SPAG9: variants seen among roughly 807,000 people sequenced by gnomAD.
SPAG9 encodes C-Jun-amino-terminal kinase-interacting protein 4.
In SPAG9, 35 loss-of-function variants were observed where a neutral mutation model predicts 166.5. The observed-to-expected ratio is 0.21, with a 90% CI of 0.16 to 0.28. The LOEUF (loss-of-function observed/expected upper bound fraction) is 0.28, where lower values mean the gene tolerates loss of function less well. Among genes scored for constraint, SPAG9 ranks in the 10% least tolerant of loss-of-function variants. The probability of loss-of-function intolerance (pLI) is 1.00; values close to 1 mark genes in which losing one functional copy is unlikely to be tolerated. For missense variants in SPAG9, 1,235 were observed against 1,603.3 expected (o/e 0.77, Z 3.92); for synonymous variants, 534 against 565.5 (o/e 0.94, Z 0.79).
chr17:51,120,705 C>T lies in SPAG9; in HGVS notation c.-49G>A, dbSNP rs1471607968. ...GCCCGGGGCGTCGCCGGCAGAGGGG[C>T]GGCACCTGCCCGCACGGGACGGACC... On this transcript the variant is annotated 5_prime_UTR_variant, in exon 1 of 30. Transcript: ENST00000262013. This position sits in a 1 kb window ranked among gnomAD's most constrained non-coding sequence, Gnocchi z 4.7. 2 of 1,483,424 alleles carry T rather than the reference C, an allele frequency of 1.3e-6. No individual in the cohort carries two copies. Among genetic ancestry groups the T allele is most frequent in the Non-Finnish European group, 1.8e-6 (2 of 1,104,858 alleles). 91.9% of individuals were successfully genotyped at this position (1,483,424 alleles called of 1,614,324 possible).
intron 1 of SPAG9, among the ~76,000 whole-genome samples, chr17:51,086,151 T>C (rs1165111796): frequency 1.3e-5 from 2 of 151,772 alleles, no homozygotes; most frequent in African/African-American, 4.8e-5. Flanking sequence ...AGCTAATTTT[T>C]GTATTTTTGG....
intron 7 of SPAG9, 42 bp downstream of exon 7, chr17:51,021,116 A>G (rs1349739029): frequency 2.5e-5 from 37 of 1,509,426 alleles, no homozygotes; most frequent in Non-Finnish European, 3.4e-5. Flanking sequence ...ATCCAGGTTT[A>G]CTGAATACTT....
At chr17:51,112,671 CAAAAAAAAA>C (rs1206604151) in intron 1 of SPAG9, among the ~76,000 whole-genome samples, 8 of 41,404 alleles carry the variant, frequency 1.9e-4, no homozygotes, top group African/African-American at 3.7e-4. Flanking sequence ...TCTGTCTCAA[CAAAAAAAAA>C]AAAAAAAAAA....
Position 50,966,073 on chromosome 17 carries a change from A to C in SPAG9, c.*199T>G. 1.8e-6 allele frequency: 1 copy of C among 557,174 alleles called. No individual in the cohort carries two copies. Among genetic ancestry groups the C allele is most frequent in the Non-Finnish European group, 3.2e-6 (1 of 308,448 alleles). 34.5% of individuals were successfully genotyped at this position (557,174 alleles called of 1,614,324 possible). On this transcript the variant is annotated 3_prime_UTR_variant, in exon 30 of 30. Transcript: ENST00000262013. ...TTCATAATATACTGAAGTTACCTAT[A>C]ACACTGGTGCAGTAACACAGCTAGT...
At chr17:51,034,572 C>A (rs1456665765) in intron 5 of SPAG9, among the ~76,000 whole-genome samples, 1 of 152,044 alleles carries the variant, frequency 6.6e-6, no homozygotes, top group African/African-American at 2.4e-5. Flanking sequence ...TTCGCATAGC[C>A]CACAGAATAA....
chr17:51,070,152 T>A (rs76610742), intron 2 of SPAG9, among the ~76,000 whole-genome samples: 5 of 148,064 alleles, frequency 3.4e-5, no homozygotes, highest in Admixed American at 3.4e-4. Context: ...AAAAAAAAAA[T>A]ATCACTGTCA....
rs945359992 is a variant in SPAG9 at position 50,964,143 on chromosome 17, T to C, written c.*2129A>G. On this transcript the variant is annotated 3_prime_UTR_variant, in exon 30 of 30. Transcript: ENST00000262013. ...ACTTTTTACAGACATCTTTGTATAATAGTCCAGAAAAAAAAAATCAGTGGT... is the reference window on the plus strand; with the variant it reads ...ACTTTTTACAGACATCTTTGTATAACAGTCCAGAAAAAAAAAATCAGTGGT... 1.3e-5 allele frequency: 2 copies of C among 149,962 alleles called. No individual in the cohort carries two copies. The highest frequency in any genetic ancestry group is 2.5e-5 in the African/African-American group (1 of 39,318). 9.3% of individuals were successfully genotyped at this position (149,962 alleles called of 1,614,324 possible). A position where few individuals can be genotyped will look rare whatever the true frequency, so the allele number is the denominator to read the frequency against.
chr17:51,037,985 C>T (rs2046686331), intron 5 of SPAG9, among the ~76,000 whole-genome samples: 1 of 152,064 alleles, frequency 6.6e-6, no homozygotes, highest in South Asian at 2.1e-4. Context: ...TGAAGCAATA[C>T]AAAACTCCTC....
chr17:51,024,554 C>T (rs1235572195), intron 6 of SPAG9, among the ~76,000 whole-genome samples: 3 of 151,796 alleles, frequency 2.0e-5, no homozygotes, highest in African/African-American at 4.8e-5. Flanking sequence ...GGAGAAACTC[C>T]GTCTCTAAAT....
chr17:51,068,312 C>CA (rs1568057824), intron 2 of SPAG9, among the ~76,000 whole-genome samples: 2 of 152,086 alleles, frequency 1.3e-5, no homozygotes, highest in Admixed American at 6.6e-5. Context: ...CTCTCAACTT[C>CA]AAAAAATTTT....
chr17:51,069,771 A>G (rs1233179426), intron 2 of SPAG9, among the ~76,000 whole-genome samples: 2 of 152,172 alleles, frequency 1.3e-5, no homozygotes, highest in African/African-American at 4.8e-5. Flanking sequence ...ATTTTACTAG[A>G]CTAAGATCCT....
At chr17:51,075,398 G>A (rs1008489152) in intron 2 of SPAG9, among the ~76,000 whole-genome samples, 8 of 151,976 alleles carry the variant, frequency 5.3e-5, no homozygotes, top group African/African-American at 1.9e-4. Flanking sequence ...TCTTTTTTGA[G>A]TGTGAGACAT....
chr17:50,978,388 A>T (rs1974344150), intron 26 of SPAG9, among the ~76,000 whole-genome samples: 2 of 152,316 alleles, frequency 1.3e-5, no homozygotes, highest in Non-Finnish European at 1.5e-5. Context: ...GAGGGCAGTA[A>T]CTCTAAATGG....
chr17:51,044,062 T>C (rs1294758039), intron 4 of SPAG9, among the ~76,000 whole-genome samples: 1 of 152,200 alleles, frequency 6.6e-6, no homozygotes, highest in African/African-American at 2.4e-5. Flanking sequence ...GACTGACAGC[T>C]ATCTGTCAAG....
At chr17:51,077,089 G>GCTATCTAGCTAGCTATCTAGCTAT (rs2048032222) in intron 2 of SPAG9, among the ~76,000 whole-genome samples, 1 of 67,328 alleles carries the variant, frequency 1.5e-5, no homozygotes, top group Non-Finnish European at 4.0e-5. Flanking sequence ...TATCTAGCTA[G>GCTATCTAGCTAGCTATCTAGCTAT]CTATCTATCT....
chr17:51,090,255 C>T (rs968436603), intron 1 of SPAG9, among the ~76,000 whole-genome samples: 1 of 152,212 alleles, frequency 6.6e-6, no homozygotes, highest in South Asian at 2.1e-4. Context: ...GGTGCGGTGG[C>T]TCAAGCCTGT....
At chr17:50,981,519 TAGATAGATAGAA>T (rs1265437496) in intron 25 of SPAG9, among the ~76,000 whole-genome samples, 21 of 124,926 alleles carry the variant, frequency 1.7e-4, no homozygotes, top group African/African-American at 4.9e-4. Flanking sequence ...GATAGATAGA[TAGATAGATAGAA>T]AGAAAGAAAG....
intron 3 of SPAG9, among the ~76,000 whole-genome samples, chr17:51,049,727 G>C (rs1000425886): frequency 6.6e-6 from 1 of 152,182 alleles, no homozygotes; most frequent in South Asian, 2.1e-4. Flanking sequence ...CTCCCAAGTA[G>C]CTGGGTACTA....
intron 25 of SPAG9, among the ~76,000 whole-genome samples, chr17:50,980,448 G>T (rs969036855): frequency 7.9e-5 from 12 of 151,858 alleles, no homozygotes; most frequent in African/African-American, 2.9e-4. Context: ...CAAGTGATCT[G>T]CCCACCTCGG....
Sources: gnomAD v4.1 joint callset for allele counts (sites outside exome capture counted in the v4.1 genomes callset) on GRCh38, gnomAD v4.1.1 for gene constraint, Gnocchi (gnomAD v3.1) non-coding constraint, MANE v1.5 for transcripts, NCBI Gene and HGNC (gene_info 2026-07-23, HGNC 2026-07-21) for gene names.